CPSF4L: variants seen among roughly 807,000 people sequenced by gnomAD.
The protein encoded by CPSF4L is cleavage and polyadenylation specific factor 4 like.
CPSF4L carries 18 observed loss-of-function variants against 24.0 expected under a neutral mutation model. That is an observed-to-expected ratio of 0.75 (90% CI 0.52 to 1.11). CPSF4L has a LOEUF of 1.11. Ranked by LOEUF, CPSF4L falls within the 50% of genes least tolerant of loss-of-function variation. CPSF4L has a pLI of 0.00. For synonymous variants in CPSF4L, 72 were observed against 77.2 expected, an observed-to-expected ratio of 0.93 and a Z score of 0.35; for missense variants, 211 against 221.8, an observed-to-expected ratio of 0.95 and a Z score of 0.31.
intron 3 of CPSF4L, among the ~76,000 whole-genome samples, chr17:73,256,190 T>C (rs765804850): frequency 2.0e-5 from 3 of 152,136 alleles, no homozygotes; most frequent in South Asian, 2.1e-4. Flanking sequence ...CCGAGGGCTA[T>C]TGAGGGAATA....
chr17:73,243,093 T>TTTTTG, the CPSF4L span: 6 of 991,214 alleles, frequency 6.1e-6, no homozygotes, highest in African/African-American at 5.1e-5. Context: ...TTTTTTTTTT[T>TTTTTG]TTTTTTTTAC....
At position 73,257,663 on chromosome 17, in the gene CPSF4L, G is replaced by A; in HGVS notation, c.307+18C>T. 6.4e-7 allele frequency: 1 copy of A among 1,551,092 alleles called. No homozygotes were observed. Among genetic ancestry groups the A allele is most frequent in the Non-Finnish European group, 8.7e-7 (1 of 1,146,608 alleles). ...GCCACCCTCCAGGGTGAGGCACCGA[G>A]CCAGGAAGAGGCCTTACCAAACTTG... On this transcript the variant is annotated intron_variant, in intron 3 of 5. Transcript: ENST00000344935.
chr17:73,249,230 G>T (rs1373773855), intron 5 of CPSF4L, among the ~76,000 whole-genome samples: 1 of 152,174 alleles, frequency 6.6e-6, no homozygotes, highest in East Asian at 1.9e-4. Context: ...AACCTTGAAC[G>T]GAGGAAGAGA....
At chr17:73,247,408 A>G (rs1011028937), downstream of CPSF4L, 42 of 1,523,408 alleles carry the variant, frequency 2.8e-5, no homozygotes, top group South Asian at 5.6e-5. Context: ...TGTGTTGCCC[A>G]CTGAATTGCC....
chr17:73,261,521 C>T (rs376422438), intron 1 of CPSF4L, among the ~76,000 whole-genome samples, 195 bp downstream of exon 1: 2 of 152,112 alleles, frequency 1.3e-5, no homozygotes, highest in Non-Finnish European at 1.5e-5. Flanking sequence ...ATCAGCTGGG[C>T]GTGGTGGCGG....
At chr17:73,252,107 G>A (rs986465458) in intron 5 of CPSF4L, among the ~76,000 whole-genome samples, 4 of 152,088 alleles carry the variant, frequency 2.6e-5, no homozygotes, top group Non-Finnish European at 4.4e-5. Flanking sequence ...AGAAAGGAGT[G>A]GGAATAAAGG....
At chr17:73,255,192 G>T (rs1568331832) in intron 3 of CPSF4L, among the ~76,000 whole-genome samples, 1 of 151,994 alleles carries the variant, frequency 6.6e-6, no homozygotes, top group Non-Finnish European at 1.5e-5. Flanking sequence ...ACAGAGCAAG[G>T]TTTCGCCTAA....
chr17:73,245,146 A>C (rs1393689395), downstream of CPSF4L: 2 of 1,613,334 alleles, frequency 1.2e-6, no homozygotes, highest in East Asian at 4.5e-5. Context: ...GGATCCTTAC[A>C]TTTGTCTCTG....
downstream of CPSF4L, chr17:73,247,564 G>C: frequency 4.1e-6 from 2 of 485,204 alleles, 1 homozygote; most frequent in South Asian, 5.4e-5. Flanking sequence ...GTTTAACTTA[G>C]TCACAGTAAA....
At chr17:73,259,524 T>C (rs2145283376) in intron 2 of CPSF4L, among the ~76,000 whole-genome samples, 1 of 152,310 alleles carries the variant, frequency 6.6e-6, no homozygotes, top group Non-Finnish European at 1.5e-5. Flanking sequence ...CCCTGGCTAT[T>C]GACTTGCTTG....
chr17:73,242,480 T>A, the CPSF4L span: 1 of 603,308 alleles, frequency 1.7e-6, no homozygotes, highest in East Asian at 3.0e-5. Flanking sequence ...GTCTTCCTAG[T>A]TTTCCATTTG....
intron 5 of CPSF4L, chr17:73,250,424 G>C: frequency 7.5e-7 from 1 of 1,325,212 alleles, no homozygotes; most frequent in East Asian, 2.6e-5. Context: ...CTGCTTGTTG[G>C]TGAAGCTTAT....
the CPSF4L span, chr17:73,242,199 T>A: frequency 7.7e-7 from 1 of 1,292,038 alleles, no homozygotes; most frequent in African/African-American, 1.5e-5. Context: ...GGGAAGGGGG[T>A]ACGTTTCGGT....
rs537581072 is a variant in CPSF4L, at chr17:73,255,997, A to G, written c.307+1684T>C. Among the ~76,000 whole-genome samples the G allele has an allele frequency of 2.6e-4, 39 of 152,290 alleles. No homozygotes were observed. In the South Asian group the frequency reaches 7.3e-3, roughly 28 times the overall value. On this transcript the variant is annotated intron_variant, in intron 3 of 5. Transcript: ENST00000344935. Reference sequence around the variant, plus strand: ...CCAACAACACTCTGATTCCAATTAGAGTGATCATCACTTTGATATTCGAAA... The same window carrying G: ...CCAACAACACTCTGATTCCAATTAGGGTGATCATCACTTTGATATTCGAAA...
At chr17:73,246,542 TC>T (rs573613257), downstream of CPSF4L, among the ~76,000 whole-genome samples, 43 of 152,124 alleles carry the variant, frequency 2.8e-4, no homozygotes, top group African/African-American at 9.9e-4. Context: ...GTCTCAAAAA[TC>T]CCAAAAAACC....
At chr17:73,251,139 CAG>C in intron 5 of CPSF4L, 1 of 1,508,006 alleles carries the variant, frequency 6.6e-7, no homozygotes, top group Non-Finnish European at 8.9e-7. Context: ...ACACCTACTG[CAG>C]ATAGTCCCTG....
upstream of CPSF4L, among the ~76,000 whole-genome samples, chr17:73,262,542 C>A (rs530186270): frequency 3.9e-5 from 6 of 152,258 alleles, no homozygotes; most frequent in Non-Finnish European, 8.8e-5. Context: ...TCCACAGGGC[C>A]ACCCAGTGCC....
the CPSF4L span, chr17:73,242,418 G>A: frequency 8.9e-7 from 1 of 1,118,728 alleles, no homozygotes; most frequent in South Asian, 1.5e-5. Context: ...TTTCTCTTCG[G>A]GCTGTTAAGC....
At chr17:73,255,594 C>T (rs2145279156) in intron 3 of CPSF4L, among the ~76,000 whole-genome samples, 1 of 151,782 alleles carries the variant, frequency 6.6e-6, no homozygotes, top group East Asian at 1.9e-4. Flanking sequence ...CCTCTCATTT[C>T]ACAGAGAACG....
Sources: allele counts gnomAD v4.1 joint callset (sites outside exome capture counted in the v4.1 genomes callset), GRCh38; gene constraint gnomAD v4.1.1; transcripts MANE v1.5; gene names NCBI Gene and HGNC (gene_info 2026-07-23, HGNC 2026-07-21).